TMPRSS12: variants seen among roughly 807,000 people sequenced by gnomAD.
The protein encoded by TMPRSS12 is transmembrane serine protease 12.
TMPRSS12 carries 25 observed loss-of-function variants against 26.0 expected under a neutral mutation model. The ratio of observed to expected loss-of-function variants is 0.96; its 90% CI spans 0.70 to 1.34. TMPRSS12 has a LOEUF of 1.34. Ranked by LOEUF, TMPRSS12 falls within the 40% of genes most tolerant of loss-of-function variation. The pLI is 0.00. For missense variants in TMPRSS12, 441 were observed against 440.1 expected (o/e 1.00, Z -0.02); for synonymous variants, 150 against 161.7 (o/e 0.93, Z 0.55).
chr12:50,879,494 T>G (rs955585610), intron 3 of TMPRSS12, among the ~76,000 whole-genome samples: 2 of 152,246 alleles, frequency 1.3e-5, no homozygotes, highest in Admixed American at 6.5e-5. Flanking sequence ...AACCCTTTCC[T>G]TATTACGTTT....
chr12:50,875,430 CAGTG>C (rs1938103705), intron 3 of TMPRSS12, among the ~76,000 whole-genome samples: 1 of 136,046 alleles, frequency 7.4e-6, no homozygotes, highest in Non-Finnish European at 1.5e-5. Flanking sequence ...GGGGAGGTTG[CAGTG>C]AGCTGAGATC....
chr12:50,863,489 C>T (rs894092038), intron 3 of TMPRSS12, among the ~76,000 whole-genome samples: 2 of 152,120 alleles, frequency 1.3e-5, no homozygotes, highest in African/African-American at 4.8e-5. Context: ...TTCATGAAAG[C>T]TTTATTTTAA....
chr12:50,887,209 T>C (rs895500266), intron 4 of TMPRSS12, 53 bp from the exon 5 acceptor site: 1 of 1,552,364 alleles, frequency 6.4e-7, no homozygotes, highest in Non-Finnish European at 8.7e-7. Flanking sequence ...AGTGTTACTG[T>C]TGCTTGAAGA....
At chr12:50,868,478 G>A (rs1372389109) in intron 3 of TMPRSS12, among the ~76,000 whole-genome samples, 1 of 152,052 alleles carries the variant, frequency 6.6e-6, no homozygotes, top group African/African-American at 2.4e-5. Flanking sequence ...ACCTAACACT[G>A]GAGTTCCCAC....
chr12:50,887,561 C>G lies in TMPRSS12; in HGVS notation c.*48C>G, dbSNP rs1346043755. On this transcript the variant is annotated 3_prime_UTR_variant, in exon 5 of 5. Coordinates refer to ENST00000398458, the MANE Select transcript of TMPRSS12 (RefSeq NM_182559.3). The stretch of plus-strand genomic sequence containing the variant: ...TCTTTATTTTGCATTGTGTCCCTTT[C>G]TATGTTCTATATAATGAACATCATT... 1 of 1,577,510 alleles carries G rather than the reference C, an allele frequency of 6.3e-7. No individual in the cohort carries two copies. Among genetic ancestry groups the G allele is most frequent in the East Asian group, 2.2e-5 (1 of 44,676 alleles).
At chr12:50,877,715 C>T (rs12830173) in intron 3 of TMPRSS12, among the ~76,000 whole-genome samples, 41,488 of 152,110 alleles carry the variant, frequency 0.27, 6,203 homozygotes, top group South Asian at 0.35. Context: ...ATTCTCATGC[C>T]TCAGCCTCCT....
chr12:50,882,423 TA>T (rs1042376045), intron 3 of TMPRSS12, among the ~76,000 whole-genome samples: 2 of 134,782 alleles, frequency 1.5e-5, no homozygotes, highest in Admixed American at 1.5e-4. Flanking sequence ...AAAAAAGACA[TA>T]AAGGTAAGCA....
chr12:50,882,378 AAAAG>A (rs1156927134), intron 3 of TMPRSS12, among the ~76,000 whole-genome samples: 1 of 151,592 alleles, frequency 6.6e-6, no homozygotes, highest in Non-Finnish European at 1.5e-5. Context: ...GGAGGCTAAA[AAAAG>A]AAAGAACATT....
intron 2 of TMPRSS12, among the ~76,000 whole-genome samples, chr12:50,844,924 T>C (rs1642998): frequency 0.97 from 147,603 of 152,310 alleles, 71,721 homozygotes; most frequent in East Asian, 1. Flanking sequence ...TGTTGGCTCA[T>C]ATTTGTTATC....
rs540490527 is a variant in TMPRSS12 at position 50,850,982 on chromosome 12, G to A, written c.383+6945G>A. Among the ~76,000 whole-genome samples the A allele has an allele frequency of 3.3e-5, 5 of 152,250 alleles. No homozygotes were observed. In the East Asian group the frequency reaches 7.7e-4, roughly 23 times the overall value. On this transcript the variant is annotated intron_variant, in intron 2 of 4. Transcript: ENST00000398458. ...CTAAAATCACTTAGAAATGATGCCA[G>A]TTGACTAAACCCAACTTATAACACA...
intron 2 of TMPRSS12, among the ~76,000 whole-genome samples, chr12:50,854,714 T>C (rs1025138093): frequency 2.0e-5 from 3 of 152,054 alleles, no homozygotes; most frequent in Admixed American, 2.0e-4. Flanking sequence ...CCATTCTCAA[T>C]AGCCAAAAAA....
intron 3 of TMPRSS12, among the ~76,000 whole-genome samples, chr12:50,860,198 T>C (rs1276087049): frequency 1.3e-5 from 2 of 152,192 alleles, no homozygotes; most frequent in African/African-American, 4.8e-5. Context: ...CTATGAAGAA[T>C]CATATTTAGT....
At chr12:50,876,136 AAC>A in intron 3 of TMPRSS12, among the ~76,000 whole-genome samples, 1 of 152,354 alleles carries the variant, frequency 6.6e-6, no homozygotes, top group Middle Eastern at 3.4e-3. Context: ...AGCAGCCAAC[AAC>A]ACATGAAAAA....
chr12:50,845,350 C>T (rs531825869), intron 2 of TMPRSS12, among the ~76,000 whole-genome samples: 2 of 152,220 alleles, frequency 1.3e-5, no homozygotes, highest in East Asian at 3.9e-4. Flanking sequence ...TCTCCTGCTT[C>T]TTTGATGAGT....
Position 50,859,202 on chromosome 12 carries a change from C to T in TMPRSS12, c.652+149C>T, listed in dbSNP as rs566993377. On this transcript the variant is annotated intron_variant, in intron 3 of 4. Coordinates refer to ENST00000398458, the MANE Select transcript of TMPRSS12 (RefSeq NM_182559.3). ...GATGGTGGTCTATAAGATTATTTTT[C>T]CGTATTTTTATGGTACCTTTTTTTT... is the stretch of plus-strand genomic sequence containing the variant. 1.5e-5 allele frequency: 12 copies of T among 783,268 alleles called. No homozygotes were observed. In the East Asian group the frequency reaches 3.5e-4, roughly 23 times the overall value. 48.5% of individuals were successfully genotyped at this position (783,268 alleles called of 1,614,324 possible). A position where few individuals can be genotyped will look rare whatever the true frequency, so the allele number is the denominator to read the frequency against.
rs908788462 is a variant in TMPRSS12, at chr12:50,869,334, C to T, written c.652+10281C>T. Among the ~76,000 whole-genome samples, 9 of 152,098 alleles carry T rather than the reference C, an allele frequency of 5.9e-5. No individual in the cohort carries two copies. The East Asian group carries it at 1.7e-3, about 29-fold the overall frequency. On this transcript the variant is annotated intron_variant, in intron 3 of 4. Transcript: ENST00000398458. ...ACAGGAGATATTACAACTGACACTACAGAAATACAAAAGATCATTCAGTGC... is the reference window on the plus strand; with the variant it reads ...ACAGGAGATATTACAACTGACACTATAGAAATACAAAAGATCATTCAGTGC...
At chr12:50,881,882 A>T (rs1159606086) in intron 3 of TMPRSS12, among the ~76,000 whole-genome samples, 11 of 146,026 alleles carry the variant, frequency 7.5e-5, no homozygotes, top group African/African-American at 2.8e-4. Context: ...GGGGCAGGAG[A>T]ATCACTTGAA....
At chr12:50,856,149 A>G (rs829130) in intron 2 of TMPRSS12, among the ~76,000 whole-genome samples, 98,499 of 151,984 alleles carry the variant, frequency 0.65, 32,227 homozygotes, top group Non-Finnish European at 0.7. Flanking sequence ...ACCCTGCCAC[A>G]CACAGTTTAC....
intron 2 of TMPRSS12, among the ~76,000 whole-genome samples, chr12:50,847,300 G>C (rs899026918): frequency 5.9e-5 from 9 of 151,442 alleles, no homozygotes; most frequent in Non-Finnish European, 2.9e-5. Context: ...CTCGTGATCC[G>C]CCCGTCTCGG....
Sources: allele counts gnomAD v4.1 joint callset (sites outside exome capture counted in the v4.1 genomes callset), GRCh38; gene constraint gnomAD v4.1.1; transcripts MANE v1.5; gene names NCBI Gene and HGNC (gene_info 2026-07-23, HGNC 2026-07-21).